Variants in MINDY4 observed in about 807,000 individuals in gnomAD.
The protein encoded by MINDY4 is probable ubiquitin carboxyl-terminal hydrolase MINDY-4.
Under a neutral mutation model 87.0 loss-of-function variants are expected in MINDY4, and 68 were observed. That is an observed-to-expected ratio of 0.78 (90% CI 0.64 to 0.96). The LOEUF is 0.96. MINDY4 is among the 40% of genes least tolerant of loss of function. MINDY4 has a pLI of 0.00. For synonymous variants in MINDY4, 379 were observed against 363.2 expected (o/e 1.04, Z -0.50); for missense variants, 919 against 928.2 (o/e 0.99, Z 0.13).
intron 10 of MINDY4, among the ~76,000 whole-genome samples, chr7:30,851,389 G>T (rs1046564313): frequency 1.3e-5 from 2 of 152,118 alleles, no homozygotes; most frequent in African/African-American, 4.8e-5. Flanking sequence ...TACTTGGATG[G>T]CTGTGAGACC....
At chr7:30,822,622 G>T (rs112915223) in intron 5 of MINDY4, among the ~76,000 whole-genome samples, 24,091 of 123,064 alleles carry the variant, frequency 0.2, 2,609 homozygotes, top group East Asian at 0.43. Context: ...TGACGTGCCT[G>T]TCTATTTTAT....
chr7:30,793,748 G>A (rs796302649), intron 5 of MINDY4, among the ~76,000 whole-genome samples: 2 of 152,174 alleles, frequency 1.3e-5, no homozygotes, highest in African/African-American at 4.8e-5. Context: ...ACTTCTAAGA[G>A]GAAAAAGGGT....
intron 4 of MINDY4, among the ~76,000 whole-genome samples, chr7:30,788,127 T>C (rs1231673185): frequency 1.3e-5 from 2 of 152,240 alleles, no homozygotes; most frequent in Non-Finnish European, 2.9e-5. Context: ...TTGCATTCAG[T>C]GCGTTGCAAT....
chr7:30,825,028 A>G (rs1271490284), intron 5 of MINDY4, among the ~76,000 whole-genome samples: 1 of 152,062 alleles, frequency 6.6e-6, no homozygotes. Flanking sequence ...GCCTTAGCAG[A>G]GGGTCGAGCC....
At chr7:30,868,228 G>A (rs923685384) in intron 13 of MINDY4, among the ~76,000 whole-genome samples, 9 of 152,206 alleles carry the variant, frequency 5.9e-5, no homozygotes, top group Admixed American at 1.3e-4. Context: ...GCTTGGAGCT[G>A]GCTGACCTGG....
chr7:30,797,965 C>T (rs906980448), intron 5 of MINDY4, among the ~76,000 whole-genome samples: 2 of 152,186 alleles, frequency 1.3e-5, no homozygotes, highest in Non-Finnish European at 2.9e-5. Context: ...AGCGCATCCA[C>T]ATCTGTGGGC....
At chr7:30,891,180 CTGTATA>C (rs903196805) in intron 17 of MINDY4, among the ~76,000 whole-genome samples, 66 of 152,288 alleles carry the variant, frequency 4.3e-4, no homozygotes, top group African/African-American at 1.5e-3. Flanking sequence ...CTTAGGATAT[CTGTATA>C]TGTATAATAT....
chr7:30,820,773 T>C (rs1161952755), intron 5 of MINDY4, among the ~76,000 whole-genome samples: 2 of 152,250 alleles, frequency 1.3e-5, no homozygotes, highest in Non-Finnish European at 2.9e-5. Context: ...CTCCACCTTT[T>C]GGTTATTGTA....
intron 5 of MINDY4, among the ~76,000 whole-genome samples, chr7:30,809,868 A>G (rs1787930540): frequency 6.6e-6 from 1 of 152,160 alleles, no homozygotes. Context: ...AAATAAATTA[A>G]CTGGTAGTCT....
At chr7:30,844,642 T>G (rs1473643025) in intron 9 of MINDY4, among the ~76,000 whole-genome samples, 1 of 152,042 alleles carries the variant, frequency 6.6e-6, no homozygotes, top group Non-Finnish European at 1.5e-5. Context: ...GCCCTGAAGG[T>G]CAGAGGCTAC....
At chr7:30,887,161 G>A (rs1452574819) in intron 17 of MINDY4, among the ~76,000 whole-genome samples, 3 of 152,112 alleles carry the variant, frequency 2.0e-5, no homozygotes, top group Non-Finnish European at 2.9e-5. Context: ...GGAACCTCCC[G>A]TTCAGCTTCC....
intron 5 of MINDY4, 38 bp from the exon 6 acceptor site, chr7:30,828,641 C>A: frequency 6.3e-7 from 1 of 1,599,904 alleles, no homozygotes; most frequent in Non-Finnish European, 8.6e-7. Context: ...ATTTCTCTGT[C>A]AGTCTCCTCT....
At chr7:30,881,310 G>A (rs1790457670) in intron 15 of MINDY4, among the ~76,000 whole-genome samples, 1 of 152,182 alleles carries the variant, frequency 6.6e-6, no homozygotes, top group African/African-American at 2.4e-5. Flanking sequence ...GAGGGCCCTG[G>A]TGCTTATTCC....
At chr7:30,825,784 T>C (rs1446628017) in intron 5 of MINDY4, among the ~76,000 whole-genome samples, 2 of 152,240 alleles carry the variant, frequency 1.3e-5, no homozygotes, top group African/African-American at 4.8e-5. Flanking sequence ...CTTCCTTGCT[T>C]ATAACTGTTA....
intron 17 of MINDY4, among the ~76,000 whole-genome samples, chr7:30,891,491 C>T (rs993866593): frequency 7.2e-5 from 11 of 152,214 alleles, no homozygotes; most frequent in African/African-American, 2.4e-4. Flanking sequence ...CAGTAAAGCC[C>T]AGAACCCTTA....
At chr7:30,838,393 A>G (rs1017645169) in intron 7 of MINDY4, among the ~76,000 whole-genome samples, 9 of 152,162 alleles carry the variant, frequency 5.9e-5, no homozygotes, top group Non-Finnish European at 1.3e-4. Context: ...GGGACCACTC[A>G]TGGGCGGCAT....
At chr7:30,850,275 T>C (rs1789368879) in intron 9 of MINDY4, among the ~76,000 whole-genome samples, 179 bp from the exon 10 acceptor site, 1 of 152,212 alleles carries the variant, frequency 6.6e-6, no homozygotes. Flanking sequence ...CCCTCAGCTG[T>C]GGAGACCCCT....
At chr7:30,840,977 GT>G in intron 9 of MINDY4, 129 bp downstream of exon 9, 1 of 784,282 alleles carries the variant, frequency 1.3e-6, no homozygotes, top group Non-Finnish European at 2.0e-6. Flanking sequence ...GAAAGGAGAG[GT>G]TAATGGCAGC....
chr7:30,847,097 G>A (rs1789244625), intron 9 of MINDY4, among the ~76,000 whole-genome samples: 1 of 152,194 alleles, frequency 6.6e-6, no homozygotes, highest in Non-Finnish European at 1.5e-5. Context: ...GCATTTGTAG[G>A]TGGGCAGGGA....
Sources: allele counts gnomAD v4.1 joint callset (sites outside exome capture counted in the v4.1 genomes callset), GRCh38; gene constraint gnomAD v4.1.1; transcripts MANE v1.5; gene names NCBI Gene and HGNC (gene_info 2026-07-23, HGNC 2026-07-21).